The following MTOR variants were observed in gnomAD, a reference collection of about 807,000 sequenced individuals.
MTOR encodes the protein serine/threonine-protein kinase mTOR.
MTOR carries 70 observed loss-of-function variants against 319.8 expected under a neutral mutation model. The ratio of observed to expected loss-of-function variants is 0.22; its 90% CI spans 0.18 to 0.27. The LOEUF (loss-of-function observed/expected upper bound fraction) is 0.27, where lower values mean the gene tolerates loss of function less well. Among genes scored for constraint, MTOR ranks in the 10% least tolerant of loss-of-function variants. MTOR has a pLI of 1.00. For synonymous variants in MTOR, 1,183 were observed against 1,211.4 expected (o/e 0.98, Z 0.49); for missense variants, 1,890 against 3,274.4 (o/e 0.58, Z 10.32).
Position 11,240,460 on chromosome 1 carries a change from C to T in MTOR, c.1629G>A (p.Leu543=), listed in dbSNP as rs55643406. The change falls in exon 11 of 58, where the codon CTG becomes CTA. Residue 543 remains leucine (L), a synonymous_variant. Transcript: ENST00000361445. ...KDIQDGLLKM[L]SLVLMHKPLR... ...GGGGTTTGTGCATAAGGACCAGGGA[C>T]AGCATTTTCAGTAGCCCATCTTGAA... 540 of 1,614,224 alleles carry T rather than the reference C, an allele frequency of 3.3e-4. 3 individuals carry two copies. In the African/African-American group the frequency reaches 6.3e-3, roughly 19 times the overall value.
At position 11,139,638 on chromosome 1, in the gene MTOR, C is replaced by T. The variant is rs1196695525; in HGVS notation, c.4893G>A (p.Glu1631=). ...GCACCATAAGGATTTTCTGCCAGTC[C>T]TCTACGATACGCTGGCAGCCCTGGA... ...ERLQGCQRIV[E]DWQKILMVRS... Residue 1631 remains glutamate, a synonymous_variant, in exon 35 of 58, where the codon GAG becomes GAA. Coordinates refer to ENST00000361445, the MANE Select transcript of MTOR (RefSeq NM_004958.4). The T allele has an allele frequency of 6.2e-7, 1 of 1,614,058 alleles. No homozygotes were observed. Among genetic ancestry groups the T allele is most frequent in the Non-Finnish European group, 8.5e-7 (1 of 1,180,050 alleles).
intron 11 of MTOR, 138 bp from the exon 12 acceptor site, chr1:11,238,755 C>T (rs186259676): frequency 2.8e-4 from 194 of 682,924 alleles, no homozygotes; most frequent in Non-Finnish European, 4.4e-4. Flanking sequence ...CGATACTGAC[C>T]CGGAACTCTT....
chr1:11,248,201 T>C, intron 6 of MTOR, 107 bp from the exon 7 acceptor site: 3 of 1,194,554 alleles, frequency 2.5e-6, no homozygotes, highest in Non-Finnish European at 3.5e-6. Flanking sequence ...GAAACGCAAC[T>C]ACTTCCAAAG....
chr1:11,209,210 C>T, intron 25 of MTOR, 102 bp downstream of exon 25: 1 of 1,420,948 alleles, frequency 7.0e-7, no homozygotes, highest in Non-Finnish European at 9.7e-7. Context: ...GGAAAAAACA[C>T]CTGGGCTGGT....
intron 50 of MTOR, among the ~76,000 whole-genome samples, chr1:11,116,192 T>C (rs1377244200): frequency 2.0e-5 from 3 of 152,190 alleles, no homozygotes; most frequent in Non-Finnish European, 2.9e-5. Flanking sequence ...ACAAAACTTA[T>C]TATGCAAAAA....
At chr1:11,234,636 C>T (rs1386960617) in intron 13 of MTOR, among the ~76,000 whole-genome samples, 2 of 152,134 alleles carry the variant, frequency 1.3e-5, no homozygotes, top group African/African-American at 4.8e-5. Flanking sequence ...GGTAGGGCCC[C>T]TTGGGAGAAA....
intron 16 of MTOR, among the ~76,000 whole-genome samples, chr1:11,231,636 C>G (rs529826519): frequency 6.6e-6 from 1 of 152,328 alleles, no homozygotes; most frequent in South Asian, 2.1e-4. Flanking sequence ...GCAACAATCA[C>G]TGGATCAAGA....
chr1:11,259,105 A>G (rs1200743399), intron 2 of MTOR, 143 bp downstream of exon 2: 5 of 1,001,320 alleles, frequency 5.0e-6, no homozygotes, highest in Non-Finnish European at 7.2e-6. Flanking sequence ...TGCATGTTTT[A>G]TGGATGTGAC....
At chr1:11,139,842 C>A (rs188835638) in intron 34 of MTOR, among the ~76,000 whole-genome samples, 184 bp from the exon 35 acceptor site, 25 of 152,292 alleles carry the variant, frequency 1.6e-4, no homozygotes, top group Non-Finnish European at 3.4e-4. Context: ...CAGGCGTGTG[C>A]CATCATGCCT....
chr1:11,232,577 T>C (rs764433719), intron 15 of MTOR, 49 bp from the exon 16 acceptor site: 1 of 1,543,936 alleles, frequency 6.5e-7, no homozygotes, highest in Non-Finnish European at 8.9e-7. Flanking sequence ...ATTCTGGCAT[T>C]AGAAAGTATT....
At chr1:11,112,427 T>G (rs1489284965) in intron 54 of MTOR, among the ~76,000 whole-genome samples, 1 of 152,212 alleles carries the variant, frequency 6.6e-6, no homozygotes, top group East Asian at 1.9e-4. Context: ...ATAAAAAACA[T>G]ATTAGCTGCT....
In MTOR at chr1:11,109,422, G is replaced by T. The variant is rs1027687648; in HGVS notation, c.7448-52C>A. On this transcript the variant is annotated intron_variant, in intron 55 of 57. Coordinates refer to ENST00000361445, the MANE Select transcript of MTOR (RefSeq NM_004958.4). The surrounding 1 kb of genome is among the most constrained non-coding windows in gnomAD (Gnocchi z 4.0). Reference sequence around the variant, plus strand: ...TGTAAGAATGGGAGCAATACAACAGGTTCAATGGGTGCCCTGTTTTTCTCA... The same window carrying T: ...TGTAAGAATGGGAGCAATACAACAGTTTCAATGGGTGCCCTGTTTTTCTCA... 6.6e-7 allele frequency: 1 copy of T among 1,513,096 alleles called. No individual in the cohort carries two copies. The highest frequency in any genetic ancestry group is 9.1e-7 in the Non-Finnish European group (1 of 1,094,558). The allele number at this position is 1,513,096 out of a possible 1,614,324, so 93.7% of individuals were successfully genotyped here.
At chr1:11,241,818 CAGTTCAAAGGG>C in intron 9 of MTOR, 137 bp from the exon 10 acceptor site, 1 of 882,634 alleles carries the variant, frequency 1.1e-6, no homozygotes, top group South Asian at 1.7e-5. Flanking sequence ...GTCCAGAGCA[CAGTTCAAAGGG>C]ACCCATCACA....
chr1:11,247,993 G>C lies in MTOR; in HGVS notation c.942C>G (p.Thr314=). 1 of 1,614,156 alleles carries C rather than the reference G, an allele frequency of 6.2e-7. No individual in the cohort carries two copies. Among genetic ancestry groups the C allele is most frequent in the Non-Finnish European group, 8.5e-7 (1 of 1,180,034 alleles). ...MGFGTKPRHI[T]PFTSFQAVQP... The stretch of plus-strand genomic sequence containing the variant: ...GTACAGCCTGGAAACTGGTGAAGGG[G>C]GTAATGTGACGAGGTTTTGTTCCGA... The change falls in exon 7 of 58, where the codon ACC becomes ACG. Residue 314 remains threonine (T), a synonymous_variant. Transcript: ENST00000361445.
At chr1:11,182,077 C>G (rs1479738173) in intron 28 of MTOR, among the ~76,000 whole-genome samples, 2 of 152,040 alleles carry the variant, frequency 1.3e-5, no homozygotes, top group African/African-American at 4.8e-5. Context: ...ATTAGCAAGG[C>G]ATGGCAGTGC....
At position 11,121,284 on chromosome 1, in the gene MTOR, G is replaced by A. The variant is rs1294997676; in HGVS notation, c.6895C>T (p.Leu2299=). 1 of 1,613,964 alleles carries A rather than the reference G, an allele frequency of 6.2e-7. No individual in the cohort carries two copies. The highest frequency in any genetic ancestry group is 8.5e-7 in the Non-Finnish European group (1 of 1,180,038). ...HAVNNTAGDD[L]AKLLWLKSPS... is the part of the protein sequence containing the mutation. ...CTTTTCAGCCACAGCAGCTTGGCCA[G>A]GTCGTCCCCAGCTGTATTATTGACG... is the stretch of plus-strand genomic sequence containing the variant. The change falls in exon 49 of 58, where the codon CTG becomes TTG. Residue 2299 remains leucine (L), a synonymous_variant. Coordinates refer to ENST00000361445, the MANE Select transcript of MTOR (RefSeq NM_004958.4). This position sits in a 1 kb window ranked among gnomAD's most constrained non-coding sequence, Gnocchi z 4.9.
In MTOR at chr1:11,211,870, C is replaced by T. The variant is rs529519378; in HGVS notation, c.3561+442G>A. Among the ~76,000 whole-genome samples the T allele has an allele frequency of 5.6e-4, 86 of 152,290 alleles. 1 individual carries two copies. The highest frequency in any genetic ancestry group is 2.0e-3 in the African/African-American group (83 of 41,562). On this transcript the variant is annotated intron_variant, in intron 23 of 57. Coordinates refer to ENST00000361445, the MANE Select transcript of MTOR (RefSeq NM_004958.4). ...CCTGCTGTGCCCTGAACTCTTTGAG[C>T]AAGCTGCCACCTCAACCTTAGCACT...
chr1:11,179,174 T>C (rs769612284), intron 28 of MTOR, among the ~76,000 whole-genome samples: 4 of 152,240 alleles, frequency 2.6e-5, no homozygotes, highest in Admixed American at 6.5e-5. Flanking sequence ...CATCACTGCA[T>C]GAACAGTCAG....
chr1:11,148,552 T>G (rs1258633744), intron 31 of MTOR, among the ~76,000 whole-genome samples: 2 of 152,120 alleles, frequency 1.3e-5, no homozygotes, highest in African/African-American at 2.4e-5. Flanking sequence ...CTTTATGACT[T>G]TAGGCATAGC....
Sources: allele counts gnomAD v4.1 joint callset (sites outside exome capture counted in the v4.1 genomes callset), GRCh38; gene constraint gnomAD v4.1.1; non-coding constraint Gnocchi (gnomAD v3.1); transcripts MANE v1.5; gene names NCBI Gene and HGNC (gene_info 2026-07-23, HGNC 2026-07-21).